Variants in GALNT18 observed in about 807,000 individuals in gnomAD.
GALNT18 encodes polypeptide N-acetylgalactosaminyltransferase 18.
Under a neutral mutation model 69.5 loss-of-function variants are expected in GALNT18, and 44 were observed. The ratio of observed to expected loss-of-function variants is 0.63; its 90% CI spans 0.50 to 0.81. The LOEUF is 0.81. Among genes scored for constraint, GALNT18 ranks in the 40% least tolerant of loss-of-function variants. The pLI is 0.00. For missense variants in GALNT18, 715 were observed against 810.0 expected (o/e 0.88, Z 1.42); for synonymous variants, 364 against 318.2 (o/e 1.14, Z -1.53).
At chr11:11,290,707 T>C (rs1222767227) in intron 10 of GALNT18, among the ~76,000 whole-genome samples, 1 of 152,222 alleles carries the variant, frequency 6.6e-6, no homozygotes, top group African/African-American at 2.4e-5. Flanking sequence ...CCACCAGCCC[T>C]GCCCACCCCT....
intron 10 of GALNT18, among the ~76,000 whole-genome samples, chr11:11,285,449 T>C (rs1247297470): frequency 1.3e-5 from 2 of 152,178 alleles, no homozygotes; most frequent in Non-Finnish European, 1.5e-5. Context: ...TTTTAAAATC[T>C]CACCCAGGTC....
At chr11:11,451,538 G>A (rs1431379222) in intron 1 of GALNT18, among the ~76,000 whole-genome samples, 1 of 152,180 alleles carries the variant, frequency 6.6e-6, no homozygotes, top group Non-Finnish European at 1.5e-5. Context: ...GAAAGATGAG[G>A]TGGAGGGCCT....
At chr11:11,408,980 C>G (rs771628838) in intron 3 of GALNT18, among the ~76,000 whole-genome samples, 2 of 152,204 alleles carry the variant, frequency 1.3e-5, no homozygotes, top group South Asian at 4.1e-4. Flanking sequence ...CACATATGTG[C>G]GTCCTAATCA....
intron 10 of GALNT18, among the ~76,000 whole-genome samples, chr11:11,291,361 C>T (rs1279427865): frequency 6.6e-6 from 1 of 152,176 alleles, no homozygotes; most frequent in Non-Finnish European, 1.5e-5. Context: ...ACATGAGCAC[C>T]TTGGGCATGT....
At chr11:11,380,559 C>T (rs770142250) in intron 3 of GALNT18, among the ~76,000 whole-genome samples, 1 of 152,190 alleles carries the variant, frequency 6.6e-6, no homozygotes, top group Non-Finnish European at 1.5e-5. Context: ...TCTAAAGTCA[C>T]AACAACTTTG....
chr11:11,280,877 A>G (rs1849058797), intron 10 of GALNT18, among the ~76,000 whole-genome samples: 1 of 152,178 alleles, frequency 6.6e-6, no homozygotes, highest in South Asian at 2.1e-4. Flanking sequence ...CCTGTCCCTT[A>G]GAAGCTAGAC....
rs760923979 is a variant in GALNT18 at position 11,564,374 on chromosome 11, C to T, written c.235+56985G>A. On this transcript the variant is annotated intron_variant, in intron 1 of 10. Coordinates refer to ENST00000227756, the MANE Select transcript of GALNT18 (RefSeq NM_198516.3). This position sits in a 1 kb window ranked among gnomAD's most constrained non-coding sequence, Gnocchi z 4.3. Reference sequence around the variant, plus strand: ...GGCAACTCCAGCTGAGAACCCAAATCCCCGGAAGGATTCCAGGCAAGTGCT... The same window carrying T: ...GGCAACTCCAGCTGAGAACCCAAATTCCCGGAAGGATTCCAGGCAAGTGCT... Among the ~76,000 whole-genome samples, 2 of 152,316 alleles carry T rather than the reference C, an allele frequency of 1.3e-5. No individual in the cohort carries two copies. The highest frequency in any genetic ancestry group is 6.5e-5 in the Admixed American group (1 of 15,300).
At chr11:11,569,513 C>A (rs1858734283) in intron 1 of GALNT18, among the ~76,000 whole-genome samples, 1 of 152,198 alleles carries the variant, frequency 6.6e-6, no homozygotes, top group Admixed American at 6.5e-5. Flanking sequence ...AGAGGGCTTG[C>A]AGACCATGGA....
rs949384030 is a variant in GALNT18 at position 11,314,510 on chromosome 11, G to A, written c.1512+12576C>T. 5.3e-5 allele frequency among the ~76,000 whole-genome samples: 8 copies of A among 152,078 alleles called. No homozygotes were observed. Among genetic ancestry groups the A allele is most frequent in the African/African-American group, 1.9e-4 (8 of 41,398 alleles). ...ACATCCGTTGGCTCCCTCCCTGTCTGCCTGCTCCCCTGACCCTGAGCTGAT... is the reference window on the plus strand; with the variant it reads ...ACATCCGTTGGCTCCCTCCCTGTCTACCTGCTCCCCTGACCCTGAGCTGAT... On this transcript the variant is annotated intron_variant, in intron 9 of 10. Coordinates refer to ENST00000227756, the MANE Select transcript of GALNT18 (RefSeq NM_198516.3). This position sits in a 1 kb window ranked among gnomAD's most constrained non-coding sequence, Gnocchi z 5.2.
intron 1 of GALNT18, among the ~76,000 whole-genome samples, chr11:11,612,189 G>A (rs1329758523): frequency 6.6e-6 from 1 of 152,052 alleles, no homozygotes; most frequent in East Asian, 1.9e-4. Flanking sequence ...AAGAAAAAAG[G>A]TAATCTTACC....
intron 3 of GALNT18, among the ~76,000 whole-genome samples, chr11:11,407,442 A>G (rs1319154535): frequency 6.6e-6 from 1 of 152,254 alleles, no homozygotes; most frequent in Non-Finnish European, 1.5e-5. Flanking sequence ...ACCACCGCTG[A>G]GACACAGCCT....
chr11:11,397,551 C>T (rs1300371363), intron 3 of GALNT18, among the ~76,000 whole-genome samples: 2 of 152,180 alleles, frequency 1.3e-5, no homozygotes, highest in Non-Finnish European at 2.9e-5. Context: ...GCAACTTCCA[C>T]CTCCCCGGTT....
intron 5 of GALNT18, among the ~76,000 whole-genome samples, chr11:11,375,793 C>T (rs1003194524): frequency 4.6e-5 from 7 of 152,206 alleles, no homozygotes; most frequent in African/African-American, 1.7e-4. Flanking sequence ...AAAATTGTGG[C>T]AGGGGCCGAG....
At chr11:11,380,953 G>A (rs1853900939) in intron 3 of GALNT18, among the ~76,000 whole-genome samples, 1 of 152,198 alleles carries the variant, frequency 6.6e-6, no homozygotes, top group Admixed American at 6.5e-5. Flanking sequence ...AGCTAGGGCT[G>A]GTGGGGGCTG....
At chr11:11,521,196 G>T (rs1857391367) in intron 1 of GALNT18, among the ~76,000 whole-genome samples, 2 of 151,896 alleles carry the variant, frequency 1.3e-5, no homozygotes, top group African/African-American at 4.8e-5. Context: ...TGAATTAGTT[G>T]ACACCTCCAC....
chr11:11,290,457 C>T (rs1158755319), intron 10 of GALNT18, among the ~76,000 whole-genome samples: 1 of 152,050 alleles, frequency 6.6e-6, no homozygotes, highest in African/African-American at 2.4e-5. Flanking sequence ...TCCACCAGGC[C>T]CTGTGGCCTC....
chr11:11,441,868 A>C (rs1161176884), intron 2 of GALNT18, among the ~76,000 whole-genome samples: 1 of 152,300 alleles, frequency 6.6e-6, no homozygotes, highest in East Asian at 1.9e-4. Context: ...TATTGTTATG[A>C]ACTTTAGTAT....
rs147226209 is a variant in GALNT18 at position 11,442,769 on chromosome 11, C to T, written c.428+5975G>A. ...AACATATTCTGACCACCTTTGCCAA[C>T]GCCTCCTGTCCTAGCCCCACGCCCT... On this transcript the variant is annotated intron_variant, in intron 2 of 10. Transcript: ENST00000227756. Among the ~76,000 whole-genome samples, 119 of 152,352 alleles carry T rather than the reference C, an allele frequency of 7.8e-4. 1 individual carries two copies. The East Asian group carries it at 8.3e-3, about 11-fold the overall frequency.
intron 1 of GALNT18, among the ~76,000 whole-genome samples, chr11:11,545,467 T>C (rs905119499): frequency 6.6e-6 from 1 of 152,226 alleles, no homozygotes; most frequent in East Asian, 1.9e-4. Context: ...TGTGCAGCCA[T>C]GTGGATATAT....
Sources: allele counts gnomAD v4.1 joint callset (sites outside exome capture counted in the v4.1 genomes callset), GRCh38; gene constraint gnomAD v4.1.1; non-coding constraint Gnocchi (gnomAD v3.1); transcripts MANE v1.5; gene names NCBI Gene and HGNC (gene_info 2026-07-23, HGNC 2026-07-21).